Variants in GRAMD1B observed in about 807,000 individuals in gnomAD.
GRAMD1B encodes protein Aster-B.
A neutral mutation model predicts 99.7 loss-of-function variants in GRAMD1B; 37 were observed. That is an observed-to-expected ratio of 0.37 (90% CI 0.29 to 0.49). GRAMD1B has a LOEUF of 0.49. Ranked by LOEUF, GRAMD1B falls within the 20% of genes least tolerant of loss-of-function variation. The pLI is 0.98. For synonymous variants in GRAMD1B, 427 were observed against 387.6 expected, an observed-to-expected ratio of 1.10 and a Z score of -1.19; for missense variants, 888 against 1,009.2, an observed-to-expected ratio of 0.88 and a Z score of 1.63.
chr11:123,363,959 C>T (rs930103885), intron 1 of GRAMD1B, among the ~76,000 whole-genome samples: 1 of 152,124 alleles, frequency 6.6e-6, no homozygotes, highest in Non-Finnish European at 1.5e-5. Flanking sequence ...AAAACAAAAA[C>T]CAACAATGCA....
intron 2 of GRAMD1B, among the ~76,000 whole-genome samples, chr11:123,538,417 C>CTGTACAATTCACTCATTTAAGA (rs1413782251): frequency 2.6e-4 from 40 of 152,114 alleles, no homozygotes; most frequent in Non-Finnish European, 2.1e-4. Flanking sequence ...TAATCATGTA[C>CTGTACAATTCACTCATTTAAGA]TGTACAATTC....
intron 17 of GRAMD1B, chr11:123,618,391 T>C (rs1314182041): frequency 6.3e-7 from 1 of 1,598,144 alleles, no homozygotes; most frequent in Admixed American, 1.7e-5. Flanking sequence ...TACCCCCTCA[T>C]CTCTTTTCCT....
chr11:123,364,549 C>T (rs184221754), intron 1 of GRAMD1B, among the ~76,000 whole-genome samples: 3 of 152,336 alleles, frequency 2.0e-5, no homozygotes, highest in East Asian at 1.9e-4. Flanking sequence ...CTGATTAAGA[C>T]AGTTCATCTG....
At chr11:123,590,145 G>A (rs987891866) in intron 4 of GRAMD1B, among the ~76,000 whole-genome samples, 1 of 152,096 alleles carries the variant, frequency 6.6e-6, no homozygotes, top group Non-Finnish European at 1.5e-5. Flanking sequence ...TTTTGGGCTT[G>A]GTCCCCCTCT....
intron 18 of GRAMD1B, 101 bp downstream of exon 18, chr11:123,618,901 C>G (rs1190814753): frequency 1.3e-6 from 1 of 749,158 alleles, no homozygotes; most frequent in African/African-American, 1.7e-5. Context: ...CCTTCCCCAT[C>G]CCTCTGGGAT....
At chr11:123,438,790 C>G (rs768960894) in intron 1 of GRAMD1B, among the ~76,000 whole-genome samples, 7 of 152,148 alleles carry the variant, frequency 4.6e-5, no homozygotes, top group Non-Finnish European at 1.0e-4. Flanking sequence ...TATATAGCCT[C>G]CAATTGCTAT....
chr11:123,543,910 A>G (rs1399776368), intron 2 of GRAMD1B, among the ~76,000 whole-genome samples: 1 of 152,184 alleles, frequency 6.6e-6, no homozygotes, highest in Non-Finnish European at 1.5e-5. Flanking sequence ...GTTAGGACAG[A>G]CTGTGTGGTC....
chr11:123,477,333 C>T (rs1250374911), intron 1 of GRAMD1B, among the ~76,000 whole-genome samples: 1 of 144,898 alleles, frequency 6.9e-6, no homozygotes, highest in Admixed American at 7.0e-5. Flanking sequence ...CCTCCCCTCC[C>T]CTAGCACAGT....
chr11:123,522,363 G>C (rs1244650738), intron 2 of GRAMD1B, among the ~76,000 whole-genome samples: 1 of 152,068 alleles, frequency 6.6e-6, no homozygotes, highest in African/African-American at 2.4e-5. Context: ...CTGTTGCCCA[G>C]GCTGGAGTGC....
chr11:123,498,193 C>T (rs938426657), intron 2 of GRAMD1B, among the ~76,000 whole-genome samples: 1 of 152,086 alleles, frequency 6.6e-6, no homozygotes, highest in African/African-American at 2.4e-5. Flanking sequence ...TGAACTGGAC[C>T]TGGGGACCCC....
At position 123,612,877 on chromosome 11, in the gene GRAMD1B, A is replaced by G. The variant is rs1482826381; in HGVS notation, c.2023+13A>G. 2.8e-6 allele frequency: 4 copies of G among 1,452,592 alleles called. No homozygotes were observed. The South Asian group carries it at 3.5e-5, about 13-fold the overall frequency. The allele number at this position is 1,452,592 out of a possible 1,614,324, so 90.0% of individuals were successfully genotyped here. Reference sequence around the variant, plus strand: ...TTCCGCCATTTAGGTGAGCACTGCAATCCTTGCTGCTAGCTGGGCTGCAGA... The same window carrying G: ...TTCCGCCATTTAGGTGAGCACTGCAGTCCTTGCTGCTAGCTGGGCTGCAGA... On this transcript the variant is annotated intron_variant, in intron 15 of 19. Coordinates refer to ENST00000635736, the MANE Select transcript of GRAMD1B (RefSeq NM_001387025.1).
At chr11:123,619,393 G>T in intron 19 of GRAMD1B, 169 bp downstream of exon 19, 1 of 1,486,796 alleles carries the variant, frequency 6.7e-7, no homozygotes, top group Admixed American at 2.1e-5. Context: ...TCCTTGAGTG[G>T]GCTGCTAGAA....
At chr11:123,528,382 G>C (rs1380896499) in intron 2 of GRAMD1B, among the ~76,000 whole-genome samples, 1 of 152,164 alleles carries the variant, frequency 6.6e-6, no homozygotes, top group Admixed American at 6.5e-5. Flanking sequence ...ACTATGGGTT[G>C]GTGATATATA....
At chr11:123,614,964 T>C in intron 17 of GRAMD1B, 129 bp downstream of exon 17, 1 of 564,926 alleles carries the variant, frequency 1.8e-6, no homozygotes, top group Non-Finnish European at 3.2e-6. Flanking sequence ...TATCCTCTAG[T>C]CTTCTCTGTC....
chr11:123,439,002 C>G (rs1363439622), intron 1 of GRAMD1B, among the ~76,000 whole-genome samples: 1 of 152,196 alleles, frequency 6.6e-6, no homozygotes, highest in Non-Finnish European at 1.5e-5. Flanking sequence ...TTGATGAAAC[C>G]TGAGGGTTTT....
At position 123,430,854 on chromosome 11, in the gene GRAMD1B, A is replaced by G. The variant is rs1183209353; in HGVS notation, c.62A>G (p.Gln21Arg). 1.4e-6 allele frequency: 1 copy of G among 700,626 alleles called. No homozygotes were observed. Among genetic ancestry groups the G allele is most frequent in the East Asian group, 2.7e-5 (1 of 37,164 alleles). The allele number at this position is 700,626 out of a possible 1,614,324, so 43.4% of individuals were successfully genotyped here. The change falls in exon 1 of 20, where the codon CAG becomes CGG. Residue 21 changes from glutamine (Q) to arginine (R), a missense_variant. Gln to Arg is a conservative substitution (Grantham distance 43). Transcript: ENST00000635736. Reference protein sequence around the residue: ...PLPALQVPEPQGAPEGSPVWS... With the variant: ...PLPALQVPEPRGAPEGSPVWS... Reference sequence around the variant, plus strand: ...CCCGCCCTGCAGGTGCCCGAGCCGCAGGGTGCGCCCGAGGGCAGCCCGGTC... The same window carrying G: ...CCCGCCCTGCAGGTGCCCGAGCCGCGGGGTGCGCCCGAGGGCAGCCCGGTC...
intron 4 of GRAMD1B, among the ~76,000 whole-genome samples, chr11:123,585,577 C>G (rs533252604): frequency 6.6e-6 from 1 of 152,198 alleles, no homozygotes; most frequent in Non-Finnish European, 1.5e-5. Context: ...CTACTTCTAT[C>G]TCTGAGCCAC....
At chr11:123,570,398 A>G (rs1947929719) in intron 2 of GRAMD1B, among the ~76,000 whole-genome samples, 1 of 150,974 alleles carries the variant, frequency 6.6e-6, no homozygotes, top group Non-Finnish European at 1.5e-5. Context: ...GAGAGGAACA[A>G]GAGTCTTTAT....
intron 1 of GRAMD1B, among the ~76,000 whole-genome samples, chr11:123,406,080 T>A (rs540321340): frequency 6.6e-6 from 1 of 151,746 alleles, no homozygotes; most frequent in African/African-American, 2.4e-5. Context: ...AGTGATGCGA[T>A]CTCAGCTCTC....
Sources: allele counts gnomAD v4.1 joint callset (sites outside exome capture counted in the v4.1 genomes callset), GRCh38; gene constraint gnomAD v4.1.1; transcripts MANE v1.5; gene names NCBI Gene and HGNC (gene_info 2026-07-23, HGNC 2026-07-21).